The following UNC13C variants were observed in gnomAD, a reference collection of about 807,000 sequenced individuals.
UNC13C encodes unc-13 homolog C.
In UNC13C, 174 loss-of-function variants were observed where a neutral mutation model predicts 245.4. The observed-to-expected ratio is 0.71, with a 90% CI of 0.63 to 0.80. The LOEUF (loss-of-function observed/expected upper bound fraction) is 0.80. Ranked by LOEUF, UNC13C falls within the 30% of genes least tolerant of loss-of-function variation. The pLI, the probability that UNC13C is intolerant of heterozygous loss-of-function variation, is 0.00. For synonymous variants in UNC13C, 992 were observed against 895.1 expected, an observed-to-expected ratio of 1.11 and a Z score of -1.93; for missense variants, 2,829 against 2,602.9, an observed-to-expected ratio of 1.09 and a Z score of -1.89.
At chr15:54,311,983 G>C (rs1250245416) in intron 13 of UNC13C, among the ~76,000 whole-genome samples, 2 of 151,586 alleles carry the variant, frequency 1.3e-5, no homozygotes, top group African/African-American at 4.8e-5. Context: ...ATCAACAATA[G>C]GCAAAATTTG....
At chr15:54,338,535 G>T in intron 17 of UNC13C, 46 bp downstream of exon 17, 1 of 1,599,654 alleles carries the variant, frequency 6.3e-7, no homozygotes, top group Non-Finnish European at 8.6e-7. Flanking sequence ...TTTGTTTCTA[G>T]TATCTGTTTC....
intron 4 of UNC13C, among the ~76,000 whole-genome samples, chr15:54,229,407 C>T (rs1198095602): frequency 6.6e-6 from 1 of 152,138 alleles, no homozygotes; most frequent in Non-Finnish European, 1.5e-5. Context: ...AAGATGATTG[C>T]TAGAGGCTTC....
intron 19 of UNC13C, among the ~76,000 whole-genome samples, chr15:54,451,395 G>A (rs1444383551): frequency 2.6e-5 from 4 of 151,436 alleles, no homozygotes; most frequent in African/African-American, 9.7e-5. Context: ...TTCTCCTTCT[G>A]GGCCTCTGAA....
chr15:53,900,473 C>T, the UNC13C span, among the ~76,000 whole-genome samples: 2 of 152,130 alleles, frequency 1.3e-5, no homozygotes, highest in African/African-American at 4.8e-5. Flanking sequence ...TGTTTATTTA[C>T]TGTAAACAAT....
At chr15:54,135,426 C>A (rs144965554) in intron 2 of UNC13C, among the ~76,000 whole-genome samples, 1 of 152,062 alleles carries the variant, frequency 6.6e-6, no homozygotes. Context: ...TATCTTGGAG[C>A]TTTATGGGTT....
chr15:54,004,119 T>G (rs1895031887), intron 1 of UNC13C, among the ~76,000 whole-genome samples: 1 of 152,184 alleles, frequency 6.6e-6, no homozygotes, highest in Non-Finnish European at 1.5e-5. Context: ...TTATTTCTAT[T>G]TTTTGTACCC....
intron 4 of UNC13C, among the ~76,000 whole-genome samples, chr15:54,198,463 C>T (rs1015646075): frequency 2.6e-5 from 4 of 152,180 alleles, no homozygotes; most frequent in Non-Finnish European, 5.9e-5. Context: ...CCACTTCACT[C>T]CCCTGCTACC....
chr15:54,585,275 G>A (rs941553958), intron 30 of UNC13C, among the ~76,000 whole-genome samples: 1 of 152,154 alleles, frequency 6.6e-6, no homozygotes, highest in African/African-American at 2.4e-5. Context: ...CTGAGTTCTT[G>A]ATGTATTCAT....
chr15:53,983,998 T>C (rs889135993), intron 1 of UNC13C, among the ~76,000 whole-genome samples: 3 of 152,126 alleles, frequency 2.0e-5, no homozygotes, highest in African/African-American at 7.2e-5. Flanking sequence ...CAAGTTCTTA[T>C]AACTTTACGC....
intron 14 of UNC13C, among the ~76,000 whole-genome samples, chr15:54,325,598 C>A (rs1299566375): frequency 6.6e-6 from 1 of 151,688 alleles, no homozygotes; most frequent in Non-Finnish European, 1.5e-5. Context: ...GTGTGATGTT[C>A]CCCTCCCTGC....
At chr15:54,115,656 T>A (rs77879353) in intron 2 of UNC13C, among the ~76,000 whole-genome samples, 4,352 of 152,242 alleles carry the variant, frequency 0.029, 203 homozygotes, top group African/African-American at 0.1. Context: ...TAAAGTTGTA[T>A]CTGCTTTCAT....
intron 1 of UNC13C, among the ~76,000 whole-genome samples, chr15:54,004,101 T>A (rs1275783366): frequency 1.3e-5 from 2 of 152,152 alleles, no homozygotes; most frequent in African/African-American, 4.8e-5. Context: ...AATATTAGAT[T>A]GTATTCATTA....
intron 10 of UNC13C, among the ~76,000 whole-genome samples, chr15:54,292,606 G>A (rs1199735973): frequency 6.6e-6 from 1 of 151,722 alleles, no homozygotes; most frequent in Non-Finnish European, 1.5e-5. Context: ...GAACCTGTTG[G>A]GAAGTCTAGT....
chr15:53,856,307 T>G, the UNC13C span, among the ~76,000 whole-genome samples: 1 of 152,032 alleles, frequency 6.6e-6, no homozygotes, highest in Non-Finnish European at 1.5e-5. Context: ...TAATCTTGTT[T>G]TATTTATTTA....
intron 25 of UNC13C, among the ~76,000 whole-genome samples, chr15:54,527,393 A>G (rs1318740190): frequency 6.6e-6 from 1 of 152,188 alleles, no homozygotes; most frequent in Non-Finnish European, 1.5e-5. Flanking sequence ...GGGGGAGGAA[A>G]AAAAAGAGGT....
chr15:53,850,462 G>T, the UNC13C span, among the ~76,000 whole-genome samples: 3 of 151,860 alleles, frequency 2.0e-5, no homozygotes, highest in African/African-American at 7.3e-5. Flanking sequence ...AATATTTAGG[G>T]GTGTATAACA....
the UNC13C span, among the ~76,000 whole-genome samples, chr15:53,871,197 C>A: frequency 3.9e-5 from 6 of 152,062 alleles, no homozygotes; most frequent in African/African-American, 1.4e-4. Flanking sequence ...CTATTTTTAC[C>A]CCTCTTCCTC....
chr15:53,849,393 A>G, the UNC13C span, among the ~76,000 whole-genome samples: 1 of 152,202 alleles, frequency 6.6e-6, no homozygotes, highest in East Asian at 1.9e-4. Flanking sequence ...AAGGTCTACA[A>G]TATAAAACAT....
At chr15:54,032,153 A>G (rs1303339807) in intron 2 of UNC13C, among the ~76,000 whole-genome samples, 1 of 152,194 alleles carries the variant, frequency 6.6e-6, no homozygotes, top group Non-Finnish European at 1.5e-5. Flanking sequence ...CCTGAGAGGT[A>G]TTACTCAGTT....
Sources: allele counts gnomAD v4.1 joint callset (sites outside exome capture counted in the v4.1 genomes callset), GRCh38; gene constraint gnomAD v4.1.1; transcripts MANE v1.5; gene names NCBI Gene and HGNC (gene_info 2026-07-23, HGNC 2026-07-21).